The following ADAMTS6 variants were observed in gnomAD, a reference collection of about 807,000 sequenced individuals.
The protein encoded by ADAMTS6 is A disintegrin and metalloproteinase with thrombospondin motifs 6.
A neutral mutation model predicts 144.3 loss-of-function variants in ADAMTS6; 23 were observed. The observed-to-expected ratio is 0.16, with a 90% CI of 0.11 to 0.23. The LOEUF is 0.23. Ranked by LOEUF, ADAMTS6 falls within the 10% of genes least tolerant of loss-of-function variation. ADAMTS6 has a pLI of 1.00. For synonymous variants in ADAMTS6, 444 were observed against 457.5 expected (o/e 0.97, Z 0.38); for missense variants, 999 against 1,379.6 (o/e 0.72, Z 4.37).
chr5:65,199,303 A>G (rs1755587424), intron 20 of ADAMTS6, among the ~76,000 whole-genome samples: 1 of 152,194 alleles, frequency 6.6e-6, no homozygotes, highest in Admixed American at 6.5e-5. Flanking sequence ...GACTTGTAGA[A>G]ACTGAATTAA....
chr5:65,374,957 A>G (rs962019912), intron 7 of ADAMTS6, among the ~76,000 whole-genome samples: 2 of 152,320 alleles, frequency 1.3e-5, no homozygotes, highest in African/African-American at 2.4e-5. Flanking sequence ...ATAATGCCAC[A>G]TATCTACAAC....
chr5:65,297,486 C>T (rs1312740324), intron 10 of ADAMTS6, among the ~76,000 whole-genome samples: 1 of 152,084 alleles, frequency 6.6e-6, no homozygotes, highest in Non-Finnish European at 1.5e-5. Context: ...GGCTGCAGTT[C>T]CTAAACAATT....
chr5:65,227,660 G>C lies in ADAMTS6; in HGVS notation c.1934-1441C>G, dbSNP rs930503422. On this transcript the variant is annotated intron_variant, in intron 15 of 24. Coordinates refer to ENST00000381055, the MANE Select transcript of ADAMTS6 (RefSeq NM_197941.4). ...GAAAAAGAAAATCGACTGGGTGGTA[G>C]AGTCAATGATAAATTAGAGACAGCA... 2.0e-5 allele frequency among the ~76,000 whole-genome samples: 3 copies of C among 152,216 alleles called. No homozygotes were observed. In the East Asian group the frequency reaches 5.8e-4, roughly 29 times the overall value.
chr5:65,389,270 A>G (rs1162676765), intron 7 of ADAMTS6, among the ~76,000 whole-genome samples: 1 of 152,138 alleles, frequency 6.6e-6, no homozygotes, highest in Non-Finnish European at 1.5e-5. Flanking sequence ...AAATGATGGG[A>G]GAATAATTAT....
intron 7 of ADAMTS6, among the ~76,000 whole-genome samples, chr5:65,439,463 G>A (rs370299664): frequency 2.0e-5 from 3 of 152,094 alleles, no homozygotes; most frequent in African/African-American, 7.2e-5. Context: ...AGGACATAAT[G>A]TATAATCCTA....
chr5:65,196,169 C>A (rs1236652618), intron 21 of ADAMTS6, among the ~76,000 whole-genome samples: 1 of 152,172 alleles, frequency 6.6e-6, no homozygotes, highest in Non-Finnish European at 1.5e-5. Context: ...CTTACAACAA[C>A]AGAACTTTAA....
chr5:65,391,783 T>C (rs981192514), intron 7 of ADAMTS6, among the ~76,000 whole-genome samples: 1 of 151,852 alleles, frequency 6.6e-6, no homozygotes, highest in South Asian at 2.1e-4. Context: ...GTCACCCAGC[T>C]GGAATGCAGT....
chr5:65,403,603 T>A (rs771186744), intron 7 of ADAMTS6, among the ~76,000 whole-genome samples: 2 of 152,138 alleles, frequency 1.3e-5, no homozygotes, highest in Non-Finnish European at 2.9e-5. Context: ...ATACAATAAA[T>A]TTTGAAAAAT....
chr5:65,159,940 A>G (rs1296179367), intron 24 of ADAMTS6, among the ~76,000 whole-genome samples: 2 of 152,236 alleles, frequency 1.3e-5, no homozygotes, highest in African/African-American at 4.8e-5. Flanking sequence ...TGCCATTAAA[A>G]GTAATATAAT....
chr5:65,225,961 A>C lies in ADAMTS6; in HGVS notation c.2067+125T>G, dbSNP rs182930752. 4.8e-4 allele frequency: 496 copies of C among 1,030,660 alleles called. 4 individuals are homozygous for C. The African/African-American group carries it at 7.1e-3, about 15-fold the overall frequency. The allele number at this position is 1,030,660 out of a possible 1,614,324, so 63.8% of individuals were successfully genotyped here. On this transcript the variant is annotated intron_variant, in intron 16 of 24. Coordinates refer to ENST00000381055, the MANE Select transcript of ADAMTS6 (RefSeq NM_197941.4). The stretch of plus-strand genomic sequence containing the variant: ...TACATATTTTATTACTCTTAATGGA[A>C]ATTGAATTTCTCTAAAATGTGGTCC...
At chr5:65,320,721 C>T (rs1187616261) in intron 9 of ADAMTS6, among the ~76,000 whole-genome samples, 1 of 152,094 alleles carries the variant, frequency 6.6e-6, no homozygotes, top group East Asian at 1.9e-4. Context: ...CTCCAAAAGG[C>T]CCCAGTGTCT....
chr5:65,371,033 G>A (rs1184136751), intron 7 of ADAMTS6, among the ~76,000 whole-genome samples: 1 of 152,112 alleles, frequency 6.6e-6, no homozygotes, highest in Admixed American at 6.6e-5. Context: ...TCACATGGCC[G>A]GGTACTCCAA....
intron 9 of ADAMTS6, among the ~76,000 whole-genome samples, chr5:65,314,244 C>A (rs1437003662): frequency 6.6e-6 from 1 of 151,990 alleles, no homozygotes; most frequent in Non-Finnish European, 1.5e-5. Context: ...AAGGACTGAA[C>A]ATGCGAAGGA....
chr5:65,392,512 A>G (rs1561494835), intron 7 of ADAMTS6, among the ~76,000 whole-genome samples: 1 of 152,176 alleles, frequency 6.6e-6, no homozygotes, highest in South Asian at 2.1e-4. Context: ...AGTGATTTAC[A>G]AACTATTACT....
intron 7 of ADAMTS6, among the ~76,000 whole-genome samples, chr5:65,363,160 T>C (rs1034767995): frequency 6.6e-6 from 1 of 152,146 alleles, no homozygotes; most frequent in African/African-American, 2.4e-5. Flanking sequence ...TACTAATCCA[T>C]GGATAAGATA....
chr5:65,445,196 T>A (rs1475358122), intron 7 of ADAMTS6, among the ~76,000 whole-genome samples: 2 of 152,204 alleles, frequency 1.3e-5, no homozygotes, highest in Non-Finnish European at 2.9e-5. Flanking sequence ...AATAGCATCT[T>A]CTTGTTTCCA....
chr5:65,162,996 A>G (rs1279206597), intron 24 of ADAMTS6, among the ~76,000 whole-genome samples: 1 of 152,088 alleles, frequency 6.6e-6, no homozygotes, highest in African/African-American at 2.4e-5. Flanking sequence ...TGCAGCCTCA[A>G]CTTCCTGAGT....
At chr5:65,453,081 T>G (rs1299086788) in intron 4 of ADAMTS6, among the ~76,000 whole-genome samples, 163 bp from the exon 5 acceptor site, 3 of 140,422 alleles carry the variant, frequency 2.1e-5, no homozygotes, top group Non-Finnish European at 4.6e-5. Flanking sequence ...TGTAAATTTT[T>G]GAAAATAATC....
intron 24 of ADAMTS6, among the ~76,000 whole-genome samples, chr5:65,167,768 G>A (rs368429116): frequency 2.3e-4 from 20 of 87,538 alleles, no homozygotes; most frequent in African/African-American, 8.5e-4. Flanking sequence ...TATAAACAGA[G>A]CCAAAGACAA....
Sources: gnomAD v4.1 joint callset for allele counts (sites outside exome capture counted in the v4.1 genomes callset) on GRCh38, gnomAD v4.1.1 for gene constraint, MANE v1.5 for transcripts, NCBI Gene and HGNC (gene_info 2026-07-23, HGNC 2026-07-21) for gene names.